The following DOCK7 variants were observed in gnomAD, a reference collection of about 807,000 sequenced individuals.
DOCK7 encodes the protein dedicator of cytokinesis 7.
Under a neutral mutation model 271.0 loss-of-function variants are expected in DOCK7, and 138 were observed. That is an observed-to-expected ratio of 0.51 (90% CI 0.44 to 0.59). DOCK7 has a LOEUF of 0.59. Among genes scored for constraint, DOCK7 ranks in the 20% least tolerant of loss-of-function variants. The pLI is 0.00. For missense variants in DOCK7, 2,066 were observed against 2,592.4 expected (o/e 0.80, Z 4.41); for synonymous variants, 823 against 876.1 (o/e 0.94, Z 1.07).
At chr1:62,516,978 G>A (rs1457409471) in intron 31 of DOCK7, 1 of 152,340 alleles carries the variant, frequency 6.6e-6, no homozygotes, top group African/African-American at 2.4e-5. Context: ...CTTCATCACT[G>A]CAGTCATATA....
intron 1 of DOCK7, among the ~76,000 whole-genome samples, chr1:62,684,408 G>C (rs1001451421): frequency 1.6e-4 from 25 of 152,078 alleles, no homozygotes; most frequent in Admixed American, 1.6e-3. Flanking sequence ...TGCATTATTA[G>C]AACTGTATTA....
chr1:62,673,915 G>A (rs1376864430), intron 1 of DOCK7, among the ~76,000 whole-genome samples: 1 of 143,296 alleles, frequency 7.0e-6, no homozygotes, highest in East Asian at 2.2e-4. Flanking sequence ...AGGAAGGAGA[G>A]AGGAAGGAAA....
chr1:62,640,337 A>G (rs1460013844), intron 7 of DOCK7, among the ~76,000 whole-genome samples: 1 of 152,094 alleles, frequency 6.6e-6, no homozygotes, highest in African/African-American at 2.4e-5. Context: ...CATGGCCAAC[A>G]TGGGGAAACC....
At chr1:62,504,443 G>T (rs557857012) in intron 37 of DOCK7, among the ~76,000 whole-genome samples, 187 bp downstream of exon 37, 8 of 152,092 alleles carry the variant, frequency 5.3e-5, no homozygotes, top group Non-Finnish European at 1.0e-4. Flanking sequence ...ACGTACACAT[G>T]ATATGCACAC....
intron 1 of DOCK7, among the ~76,000 whole-genome samples, chr1:62,679,908 A>C (rs1317610749): frequency 6.6e-6 from 1 of 152,228 alleles, no homozygotes; most frequent in Non-Finnish European, 1.5e-5. Context: ...AAATGGAAGA[A>C]TATTCCATGC....
chr1:62,519,035 A>T (rs1400688578), intron 31 of DOCK7, among the ~76,000 whole-genome samples: 1 of 152,024 alleles, frequency 6.6e-6, no homozygotes, highest in Non-Finnish European at 1.5e-5. Flanking sequence ...ACACACACAG[A>T]GCAAAGAAAA....
intron 14 of DOCK7, among the ~76,000 whole-genome samples, chr1:62,609,792 G>A (rs1161306591): frequency 2.0e-5 from 3 of 152,016 alleles, no homozygotes; most frequent in Non-Finnish European, 4.4e-5. Context: ...AAAAACTTCT[G>A]GGTGGCTATG....
At chr1:62,635,427 C>A (rs1343186039) in intron 8 of DOCK7, 1 of 152,350 alleles carries the variant, frequency 6.6e-6, no homozygotes, top group African/African-American at 2.4e-5. Flanking sequence ...GTCCCAGCTA[C>A]TCGGGAGGCT....
chr1:62,496,420 T>C lies in DOCK7; in HGVS notation c.4842A>G (p.Glu1614=). The C allele has an allele frequency of 1.9e-6, 3 of 1,613,686 alleles. No homozygotes were observed. Among genetic ancestry groups the C allele is most frequent in the Non-Finnish European group, 1.7e-6 (2 of 1,179,734 alleles). ...LVGTSQNFNE[E]FLRRSLKTIL... ...TAGTCTTTAGAGAACGTCTTAAGAATTCTTCATTAAAATTCTGAGATGTGC... is the reference window on the plus strand; with the variant it reads ...TAGTCTTTAGAGAACGTCTTAAGAACTCTTCATTAAAATTCTGAGATGTGC... The change falls in exon 38 of 50, where the codon GAA becomes GAG. Residue 1614 remains glutamate (E), a synonymous_variant. Transcript: ENST00000635253.
intron 49 of DOCK7, among the ~76,000 whole-genome samples, chr1:62,455,955 T>C (rs565071871): frequency 6.6e-6 from 1 of 152,308 alleles, no homozygotes; most frequent in Non-Finnish European, 1.5e-5. Flanking sequence ...TACTATAAAA[T>C]AACCCATTAC....
intron 31 of DOCK7, among the ~76,000 whole-genome samples, chr1:62,527,773 T>G (rs181271244): frequency 1.0e-3 from 156 of 150,258 alleles, no homozygotes; most frequent in African/African-American, 3.5e-3. Flanking sequence ...ATATACCTAA[T>G]GTTAAATGAC....
chr1:62,505,659 A>G (rs774132440), intron 36 of DOCK7, 23 bp downstream of exon 36: 2 of 1,594,072 alleles, frequency 1.3e-6, no homozygotes, highest in African/African-American at 1.4e-5. Flanking sequence ...GTCTGACAAC[A>G]CTGCAGGTAC....
At chr1:62,641,400 G>A in intron 7 of DOCK7, 1 of 399,682 alleles carries the variant, frequency 2.5e-6, no homozygotes, top group South Asian at 1.9e-5. Context: ...TAGGGGAGTG[G>A]GATCCCATCA....
At chr1:62,579,887 G>A (rs914211432) in intron 16 of DOCK7, among the ~76,000 whole-genome samples, 5 of 151,918 alleles carry the variant, frequency 3.3e-5, no homozygotes, top group African/African-American at 4.8e-5. Context: ...GTTTAGAAGC[G>A]CTTCCAGACT....
chr1:62,685,999 T>C (rs2149788187), intron 1 of DOCK7, among the ~76,000 whole-genome samples: 1 of 152,330 alleles, frequency 6.6e-6, no homozygotes, highest in East Asian at 1.9e-4. Flanking sequence ...TCTCTTGTGG[T>C]TTGTCCTATC....
chr1:62,604,170 AT>A (rs1301577569), intron 14 of DOCK7: 3 of 1,613,274 alleles, frequency 1.9e-6, no homozygotes, highest in Non-Finnish European at 2.5e-6. Flanking sequence ...GAAAACAAAG[AT>A]TTGGTGTTTT....
chr1:62,688,168 A>G, intron 1 of DOCK7, 59 bp downstream of exon 1: 1 of 1,326,540 alleles, frequency 7.5e-7, no homozygotes, highest in Non-Finnish European at 9.7e-7. Flanking sequence ...CAGGCCTGGG[A>G]GGACTCCGCG....
At chr1:62,533,246 C>T (rs1303739989) in intron 29 of DOCK7, among the ~76,000 whole-genome samples, 1 of 151,998 alleles carries the variant, frequency 6.6e-6, no homozygotes, top group Non-Finnish European at 1.5e-5. Flanking sequence ...TAGTAAATTT[C>T]CTTCCTTTAA....
At position 62,636,613 on chromosome 1, in the gene DOCK7, GA is replaced by G; in HGVS notation, c.819-11del. 6.4e-7 allele frequency: 1 copy of G among 1,561,668 alleles called. No individual in the cohort carries two copies. The highest frequency in any genetic ancestry group is 8.7e-7 in the Non-Finnish European group (1 of 1,147,506). The stretch of plus-strand genomic sequence containing the variant: ...AATTTCAATTTCAAACCTTTATGAA[GA>G]AAAAGGATAAAATAATTTAAAGATA... On this transcript the variant is annotated splice_polypyrimidine_tract_variant and intron_variant, in intron 7 of 49. Transcript: ENST00000635253.
Sources: gnomAD v4.1 joint callset for allele counts (sites outside exome capture counted in the v4.1 genomes callset) on GRCh38, gnomAD v4.1.1 for gene constraint, MANE v1.5 for transcripts, NCBI Gene and HGNC (gene_info 2026-07-23, HGNC 2026-07-21) for gene names.